SCP2: variants seen among roughly 807,000 people sequenced by gnomAD.
The protein encoded by SCP2 is sterol carrier protein 2, also known as SCP-2/3-oxoacyl-CoA thiolase.
A neutral mutation model predicts 71.4 loss-of-function variants in SCP2; 48 were observed. The observed-to-expected ratio is 0.67, with a 90% CI of 0.53 to 0.86. The LOEUF (loss-of-function observed/expected upper bound fraction) is 0.86. Among genes scored for constraint, SCP2 ranks in the 40% least tolerant of loss-of-function variants. SCP2 has a pLI of 0.00. For missense variants in SCP2, 560 were observed against 655.6 expected, an observed-to-expected ratio of 0.85 and a Z score of 1.59; for synonymous variants, 220 against 218.1, an observed-to-expected ratio of 1.01 and a Z score of -0.08.
chr1:53,039,835 A>G (rs1663294674), intron 14 of SCP2, among the ~76,000 whole-genome samples: 1 of 152,340 alleles, frequency 6.6e-6, no homozygotes, highest in Non-Finnish European at 1.5e-5. Context: ...CAGCCACTGA[A>G]CTACAAGGTA....
intron 11 of SCP2, among the ~76,000 whole-genome samples, chr1:53,000,521 T>C (rs1426979676): frequency 2.6e-5 from 4 of 152,168 alleles, no homozygotes; most frequent in African/African-American, 9.7e-5. Context: ...CAACCTAGTG[T>C]TAGGTCCTGA....
At chr1:52,946,333 A>G (rs952415959) in intron 2 of SCP2, among the ~76,000 whole-genome samples, 24 of 152,030 alleles carry the variant, frequency 1.6e-4, no homozygotes, top group South Asian at 8.3e-4. Flanking sequence ...GATTCAAGTG[A>G]TCCTCTCTCT....
intron 1 of SCP2, among the ~76,000 whole-genome samples, chr1:52,937,567 T>C (rs1486969793): frequency 6.6e-6 from 1 of 152,144 alleles, no homozygotes; most frequent in Non-Finnish European, 1.5e-5. Context: ...TGGAGAAGAA[T>C]TGGGATGGGT....
At chr1:52,935,930 C>T (rs1202655096) in intron 1 of SCP2, among the ~76,000 whole-genome samples, 1 of 151,712 alleles carries the variant, frequency 6.6e-6, no homozygotes, top group South Asian at 2.1e-4. Context: ...AGAGCAAGAA[C>T]CTGTCTTGAA....
At chr1:53,011,374 C>G (rs1444382898) in intron 11 of SCP2, among the ~76,000 whole-genome samples, 1 of 152,212 alleles carries the variant, frequency 6.6e-6, no homozygotes, top group African/African-American at 2.4e-5. Context: ...TAGCACTTAA[C>G]GTCCTTATCT....
intron 15 of SCP2, chr1:53,049,802 A>C (rs1346229597): frequency 1.3e-5 from 2 of 152,216 alleles, no homozygotes; most frequent in African/African-American, 4.8e-5. Flanking sequence ...AGAAAAAAAC[A>C]GAGCTCCTTA....
intron 12 of SCP2, among the ~76,000 whole-genome samples, chr1:53,018,515 G>A (rs1310384022): frequency 6.6e-6 from 1 of 152,160 alleles, no homozygotes; most frequent in Non-Finnish European, 1.5e-5. Context: ...GCTGAGGCGA[G>A]TGGATGGCTT....
rs1162959004 is a variant in SCP2, at chr1:52,948,021, T to C, written c.140T>C (p.Leu47Ser). 1 of 1,612,528 alleles carries C rather than the reference T, an allele frequency of 6.2e-7. No individual in the cohort carries two copies. Among genetic ancestry groups the C allele is most frequent in the East Asian group, 2.2e-5 (1 of 44,854 alleles). ...TTCGTTTTTATAGGCAAGAAGGCTTTAGCTGATGCACAGATCCCTTATTCA... is the reference window on the plus strand; with the variant it reads ...TTCGTTTTTATAGGCAAGAAGGCTTCAGCTGATGCACAGATCCCTTATTCA... Reference protein sequence around the residue: ...DLAEEAGKKALADAQIPYSAV... With the variant: ...DLAEEAGKKASADAQIPYSAV... Residue 47 changes from leucine to serine, a missense_variant, in exon 3 of 16, where the codon TTA (leucine) becomes TCA (serine). Transcript: ENST00000371514.
At chr1:52,994,110 T>C in intron 11 of SCP2, 2 of 1,068,968 alleles carry the variant, frequency 1.9e-6, no homozygotes, top group Non-Finnish European at 2.3e-6. Flanking sequence ...CTTTGGTAAA[T>C]AGACTAAACT....
At chr1:53,013,314 G>A (rs865937476) in intron 11 of SCP2, among the ~76,000 whole-genome samples, 17 of 150,982 alleles carry the variant, frequency 1.1e-4, no homozygotes, top group Middle Eastern at 3.2e-3. Context: ...GGCCGGGTGC[G>A]GTGGCTCATG....
At chr1:53,046,396 T>G (rs754939686) in intron 14 of SCP2, among the ~76,000 whole-genome samples, 39 of 151,998 alleles carry the variant, frequency 2.6e-4, no homozygotes, top group Non-Finnish European at 5.4e-4. Context: ...ATCATGATTT[T>G]AATGTGAATT....
chr1:52,978,033 T>C (rs1004286828), intron 8 of SCP2, among the ~76,000 whole-genome samples, 184 bp from the exon 9 acceptor site: 1 of 152,138 alleles, frequency 6.6e-6, no homozygotes, highest in Non-Finnish European at 1.5e-5. Flanking sequence ...ATTTAAGTTC[T>C]TGATAGAGGT....
At chr1:52,995,126 A>G in intron 11 of SCP2, 3 of 498,486 alleles carry the variant, frequency 6.0e-6, no homozygotes, top group South Asian at 3.2e-5. Flanking sequence ...CAGGGCTTGC[A>G]GCTGACCCAC....
At chr1:52,957,298 C>G (rs1188249365) in intron 5 of SCP2, among the ~76,000 whole-genome samples, 4 of 152,196 alleles carry the variant, frequency 2.6e-5, no homozygotes, top group Non-Finnish European at 5.9e-5. Context: ...TATCTCCTGC[C>G]ATTTTCCCAA....
intron 5 of SCP2, among the ~76,000 whole-genome samples, chr1:52,959,951 G>A (rs1416026859): frequency 6.6e-6 from 1 of 151,520 alleles, no homozygotes; most frequent in African/African-American, 2.4e-5. Context: ...GAGTGCAATG[G>A]CATGATCTCA....
At chr1:52,930,252 C>T (rs1302092832) in intron 1 of SCP2, among the ~76,000 whole-genome samples, 1 of 151,854 alleles carries the variant, frequency 6.6e-6, no homozygotes, top group Non-Finnish European at 1.5e-5. Flanking sequence ...TTTGTAACAA[C>T]TGAAACAATT....
chr1:53,009,993 A>G (rs1476206722), intron 11 of SCP2, among the ~76,000 whole-genome samples: 1 of 152,264 alleles, frequency 6.6e-6, no homozygotes. Context: ...TCCTCAAAAG[A>G]AGATATTTAT....
At chr1:52,935,948 A>G (rs1204748696) in intron 1 of SCP2, among the ~76,000 whole-genome samples, 2 of 152,166 alleles carry the variant, frequency 1.3e-5, no homozygotes, top group Non-Finnish European at 2.9e-5. Context: ...GAAAAAAAAA[A>G]AGAATATCCA....
chr1:52,946,581 C>T (rs1406529795), intron 2 of SCP2, among the ~76,000 whole-genome samples: 1 of 152,132 alleles, frequency 6.6e-6, no homozygotes, highest in East Asian at 1.9e-4. Flanking sequence ...TTCTTCTCAA[C>T]ATAGTCTCAT....
Sources: allele counts gnomAD v4.1 joint callset (sites outside exome capture counted in the v4.1 genomes callset), GRCh38; gene constraint gnomAD v4.1.1; transcripts MANE v1.5; gene names NCBI Gene and HGNC (gene_info 2026-07-23, HGNC 2026-07-21).